The following PCDHA5 variants were observed in gnomAD, a reference collection of about 807,000 sequenced individuals.
PCDHA5 encodes protocadherin alpha 5.
A neutral mutation model predicts 61.6 loss-of-function variants in PCDHA5; 43 were observed. The observed-to-expected ratio is 0.70, with a 90% CI of 0.55 to 0.90. The LOEUF (loss-of-function observed/expected upper bound fraction) is 0.90. Among genes scored for constraint, PCDHA5 ranks in the 40% least tolerant of loss-of-function variants. The pLI is 0.00. For synonymous variants in PCDHA5, 627 were observed against 543.9 expected (o/e 1.15, Z -2.13); for missense variants, 1,298 against 1,222.7 (o/e 1.06, Z -0.92).
intron 1 of PCDHA5, among the ~76,000 whole-genome samples, chr5:140,833,257 C>T (rs1170733217): frequency 6.6e-6 from 1 of 152,092 alleles, no homozygotes; most frequent in African/African-American, 2.4e-5. Flanking sequence ...ACCAGGAGAG[C>T]AGCAATTATA....
At chr5:140,832,932 A>G (rs2150205265) in intron 1 of PCDHA5, among the ~76,000 whole-genome samples, 5 of 152,204 alleles carry the variant, frequency 3.3e-5, no homozygotes, top group Non-Finnish European at 7.4e-5. Flanking sequence ...ATTCATGAGA[A>G]GAGAGTAACT....
At chr5:140,895,829 C>T (rs2065183021) in intron 1 of PCDHA5, among the ~76,000 whole-genome samples, 1 of 151,878 alleles carries the variant, frequency 6.6e-6, no homozygotes, top group African/African-American at 2.4e-5. Context: ...GTATTTTTTT[C>T]AGACAAAGTC....
intron 1 of PCDHA5, among the ~76,000 whole-genome samples, chr5:140,844,638 T>C (rs1352233987): frequency 8.0e-5 from 12 of 149,752 alleles, no homozygotes; most frequent in African/African-American, 2.7e-4. Flanking sequence ...CTATACATGA[T>C]AATTTCATTC....
intron 1 of PCDHA5, chr5:140,835,952 G>A (rs1366259888): frequency 1.2e-6 from 2 of 1,612,910 alleles, no homozygotes; most frequent in Non-Finnish European, 1.7e-6. Flanking sequence ...TGCAGCCGTT[G>A]GACCACGAGG....
At chr5:140,920,093 T>C (rs1289681170) in intron 1 of PCDHA5, among the ~76,000 whole-genome samples, 1 of 152,176 alleles carries the variant, frequency 6.6e-6, no homozygotes, top group African/African-American at 2.4e-5. Flanking sequence ...GTAGAGCCTC[T>C]AAAGGGAGTG....
intron 1 of PCDHA5, among the ~76,000 whole-genome samples, chr5:140,958,973 ATTAG>A (rs2095457294): frequency 1.3e-5 from 2 of 152,038 alleles, no homozygotes; most frequent in African/African-American, 2.4e-5. Flanking sequence ...CTATTTTATT[ATTAG>A]TTATTGTTGC....
chr5:140,989,653 T>A (rs1308581336), intron 3 of PCDHA5, among the ~76,000 whole-genome samples: 2 of 152,194 alleles, frequency 1.3e-5, no homozygotes, highest in African/African-American at 4.8e-5. Context: ...ATGGCAATAT[T>A]TTAAAAGAAA....
At chr5:140,899,217 C>T (rs1467184800) in intron 1 of PCDHA5, among the ~76,000 whole-genome samples, 1 of 152,040 alleles carries the variant, frequency 6.6e-6, no homozygotes, top group Non-Finnish European at 1.5e-5. Flanking sequence ...GCCAGAACTT[C>T]CAACACTATG....
At chr5:140,840,242 T>C (rs113669357) in intron 1 of PCDHA5, among the ~76,000 whole-genome samples, 1 of 152,052 alleles carries the variant, frequency 6.6e-6, no homozygotes, top group Non-Finnish European at 1.5e-5. Flanking sequence ...AGAATCACTA[T>C]GCTATAAAAA....
At chr5:140,843,632 G>T (rs2150363931) in intron 1 of PCDHA5, 1 of 1,595,968 alleles carries the variant, frequency 6.3e-7, no homozygotes, top group South Asian at 1.1e-5. Flanking sequence ...GGACCTCATG[G>T]CCTTCAGCCC....
intron 1 of PCDHA5, chr5:140,877,085 G>T: frequency 6.2e-7 from 1 of 1,613,214 alleles, no homozygotes; most frequent in Non-Finnish European, 8.5e-7. Context: ...GTGAGCGCGC[G>T]CGACGCCGGC....
intron 3 of PCDHA5, among the ~76,000 whole-genome samples, chr5:140,999,230 G>A (rs2097851745): frequency 6.6e-6 from 1 of 152,194 alleles, no homozygotes; most frequent in Non-Finnish European, 1.5e-5. Flanking sequence ...TTTGAGAATA[G>A]GTGGTTAAAG....
In PCDHA5 at chr5:141,010,929, T is replaced by G. The variant is rs782088449; in HGVS notation, c.*992T>G. 1 of 153,778 alleles carries G rather than the reference T, an allele frequency of 6.5e-6. No homozygotes were observed. Among genetic ancestry groups the G allele is most frequent in the Non-Finnish European group, 1.5e-5 (1 of 68,048 alleles). 9.5% of individuals were successfully genotyped at this position (153,778 alleles called of 1,614,324 possible). A position where few individuals can be genotyped will look rare whatever the true frequency, so the allele number is the denominator to read the frequency against. ...AAACTCTCCTCAAAAGAGAATTCAG[T>G]CTACAGCCATTTAAATGATCATTGC... On this transcript the variant is annotated 3_prime_UTR_variant, in exon 4 of 4. Transcript: ENST00000529859.
intron 1 of PCDHA5, chr5:140,830,527 A>G (rs2150187420): frequency 7.6e-7 from 1 of 1,307,954 alleles, no homozygotes; most frequent in Non-Finnish European, 1.0e-6. Context: ...TTTATTTTAA[A>G]TTTATAATTG....
At chr5:141,000,381 CTCTCTCTCTCTCTCTA>C (rs1443323474) in intron 3 of PCDHA5, among the ~76,000 whole-genome samples, 1 of 61,380 alleles carries the variant, frequency 1.6e-5, no homozygotes, top group African/African-American at 7.4e-5. Flanking sequence ...CTCTCTCTCT[CTCTCTCTCTCTCTCTA>C]TATATATATA....
Position 140,858,148 on chromosome 5 carries a change from C to T in PCDHA5, c.2352+34021C>T, listed in dbSNP as rs189442889. The T allele has an allele frequency of 6.1e-4, 978 of 1,597,640 alleles. 22 individuals are homozygous for T. In the East Asian group the frequency reaches 0.021, roughly 34 times the overall value. On this transcript the variant is annotated intron_variant, in intron 1 of 3. Coordinates refer to ENST00000529859, the MANE Select transcript of PCDHA5 (RefSeq NM_018908.3). ...TGGATGTCAACGTGTACCTGATCAT[C>T]GCCATCTGCGCGGTGTCCAGCTTGC...
intron 1 of PCDHA5, chr5:140,883,392 C>T (rs1554178015): frequency 1.9e-6 from 3 of 1,614,184 alleles, no homozygotes; most frequent in South Asian, 2.2e-5. Flanking sequence ...ATCAGTGTGT[C>T]CGATCGTGAC....
At chr5:140,838,499 T>G (rs1411144727) in intron 1 of PCDHA5, among the ~76,000 whole-genome samples, 5 of 151,960 alleles carry the variant, frequency 3.3e-5, no homozygotes, top group Non-Finnish European at 5.9e-5. Context: ...TGCTTTCTTA[T>G]TTTTAAAAGT....
chr5:140,849,038 C>A, intron 1 of PCDHA5: 2 of 1,575,008 alleles, frequency 1.3e-6, no homozygotes, highest in Non-Finnish European at 1.7e-6. Context: ...TCTTCCTGGA[C>A]GTGCCAACCA....
Sources: gnomAD v4.1 joint callset for allele counts (sites outside exome capture counted in the v4.1 genomes callset) on GRCh38, gnomAD v4.1.1 for gene constraint, MANE v1.5 for transcripts, NCBI Gene and HGNC (gene_info 2026-07-23, HGNC 2026-07-21) for gene names.